The following DHCR7 variants were observed in gnomAD, a reference collection of about 807,000 sequenced individuals.
DHCR7 encodes 7-DHC reductase.
In DHCR7, 40 loss-of-function variants were observed where a neutral mutation model predicts 43.3. That is an observed-to-expected ratio of 0.92 (90% CI 0.72 to 1.20). The LOEUF is 1.20. Among genes scored for constraint, DHCR7 ranks in the 50% most tolerant of loss-of-function variants. The pLI is 0.00. For synonymous variants in DHCR7, 298 were observed against 271.4 expected, an observed-to-expected ratio of 1.10 and a Z score of -0.96; for missense variants, 608 against 644.6, an observed-to-expected ratio of 0.94 and a Z score of 0.62.
chr11:71,446,607 A>G (rs1372817228), intron 2 of DHCR7, among the ~76,000 whole-genome samples: 1 of 152,260 alleles, frequency 6.6e-6, no homozygotes, highest in Non-Finnish European at 1.5e-5. Flanking sequence ...GAAGCCTTTT[A>G]ACACTGATTT....
At chr11:71,435,942 C>T (rs1383252242) in intron 8 of DHCR7, 103 bp from the exon 9 acceptor site, 1 of 898,960 alleles carries the variant, frequency 1.1e-6, no homozygotes. Context: ...CCAGCTCTGC[C>T]TCTGACACAC....
intron 2 of DHCR7, chr11:71,428,930 T>C (rs1241947374): frequency 4.4e-6 from 2 of 450,820 alleles, no homozygotes; most frequent in African/African-American, 2.0e-5. Context: ...AATAACCATG[T>C]AATTCAAATG....
chr11:71,438,614 G>A, intron 7 of DHCR7: 1 of 551,776 alleles, frequency 1.8e-6, no homozygotes, highest in South Asian at 2.0e-5. Flanking sequence ...TTCTACCCAG[G>A]TGTAATCCCC....
chr11:71,441,485 A>C, intron 5 of DHCR7, 45 bp from the exon 6 acceptor site: 2 of 1,496,058 alleles, frequency 1.3e-6, no homozygotes, highest in Non-Finnish European at 1.8e-6. Flanking sequence ...CCCAACCCGC[A>C]GTGAGGAGCT....
intron 7 of DHCR7, 122 bp from the exon 8 acceptor site, chr11:71,438,065 C>T: frequency 8.6e-7 from 1 of 1,160,972 alleles, no homozygotes; most frequent in Admixed American, 1.8e-5. Context: ...GCAACTTCCT[C>T]AATGCTGGGG....
At position 71,444,908 on chromosome 11, in the gene DHCR7, T is replaced by C. The variant is rs150214075; in HGVS notation, c.45A>G (p.Leu15=). The change falls in exon 3 of 9, where the codon CTA becomes CTG. Residue 15 remains leucine (L), a synonymous_variant. Transcript: ENST00000355527. ...SQPNIPKAKS[L]DGVTNDRTAS... ...CGGTTCTGTCATTGGTGACGCCATC[T>C]AGACTCTTGGCTTTGGGAATGTTGG... is the stretch of plus-strand genomic sequence containing the variant. 1.2e-6 allele frequency: 2 copies of C among 1,614,118 alleles called. No homozygotes were observed. The highest frequency in any genetic ancestry group is 1.3e-5 in the African/African-American group (1 of 74,948).
Position 71,435,824 on chromosome 11 carries a change from A to G in DHCR7, c.979T>C (p.Tyr327His). Residue 327 changes from tyrosine to histidine, a missense_variant, in exon 9 of 9, where the codon TAC becomes CAC. Transcript: ENST00000355527. ...LYTLQGLYLV[Y>H]HPVQLSTPHA... ...GGGGTGGACAGCTGCACGGGGTGGT[A>G]CACCAAGTACAGACCCTGGGGGGCG... is the stretch of plus-strand genomic sequence containing the variant. 7 of 1,602,308 alleles carry G rather than the reference A, an allele frequency of 4.4e-6. No individual in the cohort carries two copies. The highest frequency in any genetic ancestry group is 6.0e-6 in the Non-Finnish European group (7 of 1,173,636).
chr11:71,431,635 G>C (rs1015609729), downstream of DHCR7, among the ~76,000 whole-genome samples: 4 of 152,154 alleles, frequency 2.6e-5, no homozygotes, highest in African/African-American at 9.7e-5. Context: ...AAAAACAAAT[G>C]CATTGTATCT....
Position 71,441,308 on chromosome 11 carries a change from C to T in DHCR7, c.545G>A (p.Trp182Ter), listed in dbSNP as rs536394774. The change falls in exon 6 of 9, where the codon TGG becomes TAG. Residue 182 changes from tryptophan to a stop codon, truncating the protein, a stop_gained. Transcript: ENST00000355527. LOFTEE classifies it high-confidence loss of function. ...GGCATAGCCAAGGATGTTGGCGCACCACAGCAGTGGGATCCAGTTGTCGAA... is the reference window on the plus strand; with the variant it reads ...GGCATAGCCAAGGATGTTGGCGCACTACAGCAGTGGGATCCAGTTGTCGAA... ...IIFDNWIPLLWCANILGYAVS... is the reference protein window; with the variant it reads ...IIFDNWIPLL 19 of 1,614,222 alleles carry T rather than the reference C, an allele frequency of 1.2e-5. No homozygotes were observed. In the South Asian group the frequency reaches 1.9e-4, roughly 16 times the overall value.
At chr11:71,436,473 A>C (rs1035118745) in intron 8 of DHCR7, among the ~76,000 whole-genome samples, 2 of 152,058 alleles carry the variant, frequency 1.3e-5, no homozygotes, top group African/African-American at 4.8e-5. Context: ...GACCAGCCTG[A>C]CTAACATGGT....
Position 71,444,082 on chromosome 11 carries a change from C to G in DHCR7, c.232G>C (p.Gly78Arg). ...CAGATGTCCGAGAGCCGAGCATGTC[C>G]GGTGACGATGTCCACCACAGGGCCA... ...LTGPVVDIVT[G>R]HARLSDIWAK... is the part of the protein sequence containing the mutation. The change falls in exon 4 of 9, where the codon GGA becomes CGA. Residue 78 changes from glycine (G) to arginine (R), a missense_variant. By Grantham distance (125) the Gly-to-Arg change is moderately radical. Transcript: ENST00000355527. 1 of 1,613,632 alleles carries G rather than the reference C, an allele frequency of 6.2e-7. No homozygotes were observed. The highest frequency in any genetic ancestry group is 1.3e-5 in the African/African-American group (1 of 75,056).
intron 2 of DHCR7, among the ~76,000 whole-genome samples, chr11:71,429,294 C>T (rs1217086502): frequency 2.6e-5 from 4 of 152,172 alleles, no homozygotes; most frequent in Non-Finnish European, 5.9e-5. Flanking sequence ...CAGAACGACC[C>T]TGGCTTTTAT....
intron 4 of DHCR7, among the ~76,000 whole-genome samples, chr11:71,442,973 C>A (rs1949364470): frequency 6.6e-6 from 1 of 152,240 alleles, no homozygotes; most frequent in African/African-American, 2.4e-5. Flanking sequence ...CCTGTCCCTG[C>A]CGCCCCTGGC....
chr11:71,446,096 A>G (rs958173796), intron 2 of DHCR7, among the ~76,000 whole-genome samples: 2 of 152,140 alleles, frequency 1.3e-5, no homozygotes, highest in Non-Finnish European at 2.9e-5. Flanking sequence ...ACTAACCAGA[A>G]ACCAGTCCAC....
chr11:71,443,803 G>T (rs1272380418), intron 4 of DHCR7, among the ~76,000 whole-genome samples, 190 bp downstream of exon 4: 1 of 152,158 alleles, frequency 6.6e-6, no homozygotes, highest in African/African-American at 2.4e-5. Flanking sequence ...TGATGTGACA[G>T]GTGCCTCCTG....
chr11:71,430,082 G>A (rs902453720), downstream of DHCR7, among the ~76,000 whole-genome samples: 3 of 152,196 alleles, frequency 2.0e-5, no homozygotes, highest in Non-Finnish European at 2.9e-5. Flanking sequence ...GTGAGCTGAG[G>A]AGGCACTCAG....
chr11:71,428,842 G>A (rs749537137), exon 3 of DHCR7: 2 of 456,312 alleles, frequency 4.4e-6, no homozygotes, highest in Non-Finnish European at 4.4e-6. Context: ...CTCCACAGCA[G>A]CATTTCTCAT....
At chr11:71,431,126 G>T (rs928814339), downstream of DHCR7, among the ~76,000 whole-genome samples, 3 of 152,250 alleles carry the variant, frequency 2.0e-5, no homozygotes, top group African/African-American at 7.2e-5. Context: ...CTGCACTCCA[G>T]CCTGGGTGAC....
chr11:71,447,411 A>G (rs1484839262), intron 2 of DHCR7, among the ~76,000 whole-genome samples, 199 bp downstream of exon 2: 2 of 152,250 alleles, frequency 1.3e-5, no homozygotes, highest in African/African-American at 4.8e-5. Context: ...TGAGTTGTGC[A>G]ATAAACATCT....
Sources: allele counts gnomAD v4.1 joint callset (sites outside exome capture counted in the v4.1 genomes callset), GRCh38; gene constraint gnomAD v4.1.1; transcripts MANE v1.5; gene names NCBI Gene and HGNC (gene_info 2026-07-23, HGNC 2026-07-21).